HPS4: variants seen among roughly 807,000 people sequenced by gnomAD.
The protein encoded by HPS4 is HPS4 biogenesis of lysosomal organelles complex 3 subunit 2, also known as BLOC-3 complex member HPS4.
A neutral mutation model predicts 70.3 loss-of-function variants in HPS4; 44 were observed. The observed-to-expected ratio is 0.63, with a 90% confidence interval of 0.49 to 0.80. HPS4 has a LOEUF of 0.80. HPS4 is among the 30% of genes least tolerant of loss of function. The pLI is 0.00. For missense variants in HPS4, 873 were observed against 884.4 expected (o/e 0.99, Z 0.16); for synonymous variants, 377 against 355.9 (o/e 1.06, Z -0.67).
chr22:26,464,870 T>G (rs374103289), intron 10 of HPS4, 44 bp from the exon 11 acceptor site: 34 of 1,535,392 alleles, frequency 2.2e-5, no homozygotes, highest in African/African-American at 4.1e-5. Context: ...GTTGACAGAC[T>G]GCAGGGCAAG....
At chr22:26,457,511 A>T (rs1381737864) in intron 13 of HPS4, among the ~76,000 whole-genome samples, 1 of 152,146 alleles carries the variant, frequency 6.6e-6, no homozygotes, top group Non-Finnish European at 1.5e-5. Context: ...GTGCCCAGCC[A>T]TATTACTTTG....
At chr22:26,471,797 G>T (rs1291969648) in intron 6 of HPS4, among the ~76,000 whole-genome samples, 2 of 152,210 alleles carry the variant, frequency 1.3e-5, no homozygotes, top group East Asian at 3.8e-4. Context: ...GGGCAGCACA[G>T]GTGGTCAGGC....
Position 26,472,424 on chromosome 22 carries a change from A to G in HPS4, c.385-6T>C. 2.6e-6 allele frequency: 4 copies of G among 1,538,532 alleles called. No individual in the cohort carries two copies. The highest frequency in any genetic ancestry group is 3.6e-6 in the Non-Finnish European group (4 of 1,111,056). On this transcript the variant is annotated splice_polypyrimidine_tract_variant and splice_region_variant and intron_variant, in intron 5 of 13. Transcript: ENST00000398145. The stretch of plus-strand genomic sequence containing the variant: ...AGTTCTTCCTGAGAACAGTTCTAAA[A>G]CAGAAAGAGCCTCAGGTCAATATCT...
At chr22:26,455,477 C>CA (rs1001567208) in intron 13 of HPS4, among the ~76,000 whole-genome samples, 164 of 149,482 alleles carry the variant, frequency 1.1e-3, no homozygotes, top group African/African-American at 3.9e-3. Flanking sequence ...CAAACTATTG[C>CA]AAGGACAAAA....
At chr22:26,445,306 C>T (rs1462435497) in intron 3 of HPS4, among the ~76,000 whole-genome samples, 1 of 152,024 alleles carries the variant, frequency 6.6e-6, no homozygotes, top group African/African-American at 2.4e-5. Context: ...TGCACTCCAG[C>T]CAAGACGACA....
chr22:26,445,246 A>T (rs779983927), intron 3 of HPS4, among the ~76,000 whole-genome samples: 9 of 152,114 alleles, frequency 5.9e-5, no homozygotes, highest in Non-Finnish European at 1.2e-4. Context: ...AGGTGGGAGG[A>T]TCACTTGAAC....
intron 7 of HPS4, 42 bp from the exon 8 acceptor site, chr22:26,468,665 T>G: frequency 2.6e-6 from 4 of 1,567,866 alleles, no homozygotes; most frequent in Non-Finnish European, 3.5e-6. Context: ...TGAGACGAAA[T>G]ACACCAAAAC....
chr22:26,479,400 ATCACGGCATTTAAAACACAGCT>A (rs1200681840), intron 2 of HPS4, 45 bp from the exon 3 acceptor site: 1 of 1,606,340 alleles, frequency 6.2e-7, no homozygotes, highest in East Asian at 2.2e-5. Context: ...TAATCCAGTG[ATCACGGCATTTAAAACACAGCT>A]TCCTGTTTCC....
rs566166143 is a variant in HPS4 at position 26,464,835 on chromosome 22, CAA to C, written c.804-11_804-10del. ...CTGGAGATGCTAGAGACCTGGCAAA[CAA>C]GAGAGATGTAAGGAAGGGGCACGTT... is the stretch of plus-strand genomic sequence containing the variant. On this transcript the variant is annotated splice_polypyrimidine_tract_variant and intron_variant, in intron 10 of 13. Transcript: ENST00000398145. 214 of 1,588,884 alleles carry C rather than the reference CAA, an allele frequency of 1.3e-4. 1 individual carries two copies. In the East Asian group the frequency reaches 3.2e-3, roughly 24 times the overall value.
chr22:26,459,336 T>C (rs761908526), intron 11 of HPS4, among the ~76,000 whole-genome samples: 1 of 152,256 alleles, frequency 6.6e-6, no homozygotes, highest in African/African-American at 2.4e-5. Flanking sequence ...AGATAAAGTT[T>C]AAGTACAATT....
chr22:26,457,720 C>A, intron 13 of HPS4, 139 bp downstream of exon 13: 2 of 709,114 alleles, frequency 2.8e-6, no homozygotes, highest in East Asian at 2.7e-5. Flanking sequence ...GCAATAGGAA[C>A]CGACAAAGGA....
At chr22:26,471,036 A>C (rs1602004091) in intron 6 of HPS4, 1 of 830,360 alleles carries the variant, frequency 1.2e-6, no homozygotes, top group East Asian at 2.7e-5. Context: ...TAGAACAAGG[A>C]GGCCTGTCCA....
Position 26,452,002 on chromosome 22 carries a change from G to GAAA in HPS4, c.*1230_*1231insTTT, listed in dbSNP as rs2085292126. 1.2e-5 allele frequency: 1 copy of GAAA among 86,676 alleles called. No individual in the cohort carries two copies. The highest frequency in any genetic ancestry group is 2.3e-5 in the Non-Finnish European group (1 of 43,988). The allele number at this position is 86,676 out of a possible 1,614,324, so 5.4% of individuals were successfully genotyped here. ...GCCCACGTTACGCGCGCGCGCGCGCGCGCACACACACACACACACACACAC... is the reference window on the plus strand; with the variant it reads ...GCCCACGTTACGCGCGCGCGCGCGCGAAACGCACACACACACACACACACACAC... On this transcript the variant is annotated 3_prime_UTR_variant, in exon 14 of 14. Coordinates refer to ENST00000398145, the MANE Select transcript of HPS4 (RefSeq NM_022081.6).
At position 26,454,732 on chromosome 22, in the gene HPS4, G is replaced by C. The variant is rs567023372; in HGVS notation, c.1956-1328C>G. ...CAACAAAAGCCAAAATTGACAAATG[G>C]GATCTAATTAAACTAAAGAGCTTCT... On this transcript the variant is annotated intron_variant, in intron 13 of 13. Transcript: ENST00000398145. Among the ~76,000 whole-genome samples the C allele has an allele frequency of 3.3e-5, 5 of 152,276 alleles. No individual in the cohort carries two copies. The East Asian group carries it at 7.7e-4, about 23-fold the overall frequency.
rs1569071931 is a variant in HPS4 at position 26,465,498 on chromosome 22, C to CCT, written c.758_759dup (p.Glu254ArgfsTer14). The CCT allele has an allele frequency of 1.2e-6, 2 of 1,614,046 alleles. No homozygotes were observed. Among genetic ancestry groups the CCT allele is most frequent in the Non-Finnish European group, 8.5e-7 (1 of 1,180,010 alleles). ...GGGAACTCGTGGAGACTAATGGCTT[C>CCT]CTCTTTGGTCACAAAAACAGGGATA... On this transcript the variant is annotated frameshift_variant, in exon 10 of 14. Coordinates refer to ENST00000398145, the MANE Select transcript of HPS4 (RefSeq NM_022081.6). LOFTEE classifies it high-confidence loss of function.
In HPS4 at chr22:26,477,871, A is replaced by G. The variant is rs576735492; in HGVS notation, c.133-735T>C. Among the ~76,000 whole-genome samples the G allele has an allele frequency of 2.6e-5, 4 of 152,336 alleles. No homozygotes were observed. In the South Asian group the frequency reaches 6.2e-4, roughly 24 times the overall value. ...ATGACCTGGTTTCTTCAATAATTCA[A>G]TGGCATAGAGGAGGGGGAAAAAGAT... On this transcript the variant is annotated intron_variant, in intron 3 of 13. Coordinates refer to ENST00000398145, the MANE Select transcript of HPS4 (RefSeq NM_022081.6).
chr22:26,479,335 TAA>T lies in HPS4; in HGVS notation c.60_61del (p.Tyr21Ter). The T allele has an allele frequency of 6.2e-7, 1 of 1,614,060 alleles. No individual in the cohort carries two copies. Among genetic ancestry groups the T allele is most frequent in the Non-Finnish European group, 8.5e-7 (1 of 1,179,988 alleles). The stretch of plus-strand genomic sequence containing the variant: ...TTCTTCCTTTACCTTGGAACCATCA[TAA>T]AGAAAAAAATAATTCCACCTGGCAA... On this transcript the variant is annotated frameshift_variant, in exon 3 of 14. Transcript: ENST00000398145. LOFTEE classifies it high-confidence loss of function.
At chr22:26,468,653 C>T (rs772173180) in intron 7 of HPS4, 30 bp from the exon 8 acceptor site, 15 of 1,600,084 alleles carry the variant, frequency 9.4e-6, no homozygotes, top group Non-Finnish European at 1.3e-5. Flanking sequence ...ACAAGAACAC[C>T]ATGAGACGAA....
At chr22:26,476,654 A>T in intron 4 of HPS4, 2 of 247,904 alleles carry the variant, frequency 8.1e-6, no homozygotes, top group South Asian at 1.0e-4. Flanking sequence ...TTTCTGGGTC[A>T]CTTACCCAGT....
Sources: allele counts gnomAD v4.1 joint callset (sites outside exome capture counted in the v4.1 genomes callset), GRCh38; gene constraint gnomAD v4.1.1; transcripts MANE v1.5; gene names NCBI Gene and HGNC (gene_info 2026-07-23, HGNC 2026-07-21).